KIAA1549L: variants seen among roughly 807,000 people sequenced by gnomAD.
KIAA1549L encodes the protein UPF0606 protein KIAA1549L.
KIAA1549L carries 88 observed loss-of-function variants against 160.7 expected under a neutral mutation model. The observed-to-expected ratio is 0.55, with a 90% CI of 0.46 to 0.65. The LOEUF is 0.65. KIAA1549L is among the 30% of genes least tolerant of loss of function. The pLI, the probability that KIAA1549L is intolerant of heterozygous loss-of-function variation, is 0.00. For missense variants in KIAA1549L, 2,258 were observed against 2,437.5 expected (o/e 0.93, Z 1.55); for synonymous variants, 950 against 976.7 (o/e 0.97, Z 0.51).
At chr11:33,482,127 A>AT (rs572288992) in intron 1 of KIAA1549L, among the ~76,000 whole-genome samples, 14 of 151,812 alleles carry the variant, frequency 9.2e-5, no homozygotes, top group East Asian at 5.8e-4. Context: ...TTTTTCCTGG[A>AT]TTTTTTTTCT....
chr11:33,433,632 A>G (rs1270741906), intron 1 of KIAA1549L, among the ~76,000 whole-genome samples: 3 of 152,232 alleles, frequency 2.0e-5, no homozygotes, highest in African/African-American at 7.2e-5. Flanking sequence ...ATAAAGACAC[A>G]TGCATACATA....
chr11:33,596,509 A>G (rs35917507), intron 12 of KIAA1549L, among the ~76,000 whole-genome samples: 31,778 of 151,978 alleles, frequency 0.21, 3,664 homozygotes, highest in East Asian at 0.36. Flanking sequence ...GGCCGAGGCA[A>G]ATGCATCACT....
chr11:33,500,377 C>G (rs1590291474), intron 1 of KIAA1549L, among the ~76,000 whole-genome samples: 1 of 152,114 alleles, frequency 6.6e-6, no homozygotes, highest in African/African-American at 2.4e-5. Flanking sequence ...CATACGGGCA[C>G]TCAGAAGTAT....
At chr11:33,416,258 T>C (rs1229771200) in intron 1 of KIAA1549L, among the ~76,000 whole-genome samples, 1 of 152,142 alleles carries the variant, frequency 6.6e-6, no homozygotes, top group Admixed American at 6.5e-5. Context: ...GTATTTATTG[T>C]TCCTTGGATT....
rs139525612 is a variant in KIAA1549L at position 33,443,110 on chromosome 11, A to G, written c.238+66221A>G. Among the ~76,000 whole-genome samples the G allele has an allele frequency of 9.9e-5, 15 of 152,268 alleles. 1 individual carries two copies. In the East Asian group the frequency reaches 2.7e-3, roughly 27 times the overall value. ...ATATTAAACTTATTTTATATTCTAT[A>G]TCTGATCATTGTAATATTTCCAGTT... is the stretch of plus-strand genomic sequence containing the variant. On this transcript the variant is annotated intron_variant, in intron 1 of 20. Transcript: ENST00000658780.
intron 1 of KIAA1549L, among the ~76,000 whole-genome samples, chr11:33,489,883 C>G (rs150590410): frequency 6.6e-6 from 1 of 152,154 alleles, no homozygotes; most frequent in East Asian, 1.9e-4. Context: ...AAAGATCAAA[C>G]GTTATTGATT....
chr11:33,462,118 A>G (rs1026325671), intron 1 of KIAA1549L, among the ~76,000 whole-genome samples: 1 of 152,230 alleles, frequency 6.6e-6, no homozygotes, highest in African/African-American at 2.4e-5. Flanking sequence ...TGATCAGCAG[A>G]GTTCTTTGCT....
chr11:33,425,981 A>G (rs1342482240), intron 1 of KIAA1549L, among the ~76,000 whole-genome samples: 2 of 152,234 alleles, frequency 1.3e-5, no homozygotes, highest in Non-Finnish European at 2.9e-5. Flanking sequence ...TGGCAAGGTC[A>G]TGAAAGACAA....
At chr11:33,407,954 C>A (rs777229006) in intron 1 of KIAA1549L, among the ~76,000 whole-genome samples, 17 of 152,188 alleles carry the variant, frequency 1.1e-4, no homozygotes, top group African/African-American at 1.7e-4. Context: ...CTGGGAATGA[C>A]CCGTTCCTGC....
chr11:33,513,202 A>G (rs544358353), intron 1 of KIAA1549L, among the ~76,000 whole-genome samples: 1 of 152,224 alleles, frequency 6.6e-6, no homozygotes, highest in Non-Finnish European at 1.5e-5. Flanking sequence ...AAATGGGGCA[A>G]AATGAAAATA....
chr11:33,549,201 G>A (rs976159379), intron 4 of KIAA1549L, among the ~76,000 whole-genome samples: 8 of 151,782 alleles, frequency 5.3e-5, no homozygotes, highest in African/African-American at 1.9e-4. Context: ...TTTTGAAAGG[G>A]CATTTGATAT....
chr11:33,414,579 A>C (rs925382719), intron 1 of KIAA1549L, among the ~76,000 whole-genome samples: 1 of 152,208 alleles, frequency 6.6e-6, no homozygotes, highest in East Asian at 1.9e-4. Context: ...CACTTTATCA[A>C]ATTATCTTCC....
intron 16 of KIAA1549L, among the ~76,000 whole-genome samples, chr11:33,629,161 A>G (rs910748848): frequency 1.1e-4 from 17 of 152,170 alleles, no homozygotes; most frequent in African/African-American, 3.9e-4. Context: ...ATCCGCTGTT[A>G]GTCTGATGGG....
At position 33,472,397 on chromosome 11, in the gene KIAA1549L, A is replaced by G. The variant is rs1246070207; in HGVS notation, c.239-69405A>G. The stretch of plus-strand genomic sequence containing the variant: ...CGGCCTCCCAAAACACTAGGATAAC[A>G]TGTGTGAGCCACTGAGTCTGGCCCT... On this transcript the variant is annotated intron_variant, in intron 1 of 20. Coordinates refer to ENST00000658780, the MANE Select transcript of KIAA1549L (RefSeq NM_012194.3). Among the ~76,000 whole-genome samples the G allele has an allele frequency of 2.6e-5, 4 of 151,366 alleles. No homozygotes were observed. In the South Asian group the frequency reaches 6.3e-4, roughly 24 times the overall value.
intron 8 of KIAA1549L, among the ~76,000 whole-genome samples, chr11:33,562,117 C>T (rs1285338131): frequency 1.3e-5 from 2 of 152,184 alleles, no homozygotes; most frequent in African/African-American, 4.8e-5. Context: ...GCCGGGCATG[C>T]ACTTGCGTCT....
chr11:33,520,404 C>A (rs1487461094), intron 1 of KIAA1549L, among the ~76,000 whole-genome samples: 1 of 151,550 alleles, frequency 6.6e-6, no homozygotes, highest in East Asian at 1.9e-4. Flanking sequence ...CTGTGTCTGG[C>A]TTATTTCACT....
At chr11:33,550,966 C>T in intron 4 of KIAA1549L, 74 bp from the exon 5 acceptor site, 1 of 1,239,968 alleles carries the variant, frequency 8.1e-7, no homozygotes, top group Non-Finnish European at 1.2e-6. Context: ...AGCCGTGGTT[C>T]TAAGAAATAC....
At chr11:33,400,936 A>C (rs1277388447) in intron 1 of KIAA1549L, among the ~76,000 whole-genome samples, 8 of 152,110 alleles carry the variant, frequency 5.3e-5, no homozygotes, top group Admixed American at 4.6e-4. Context: ...ACATAGCATA[A>C]TGTTGGATCT....
intron 1 of KIAA1549L, among the ~76,000 whole-genome samples, chr11:33,477,951 G>A (rs1852325245): frequency 6.6e-6 from 1 of 152,208 alleles, no homozygotes; most frequent in African/African-American, 2.4e-5. Context: ...AGCACCTGCT[G>A]TACTAAAATA....
Sources: allele counts gnomAD v4.1 joint callset (sites outside exome capture counted in the v4.1 genomes callset), GRCh38; gene constraint gnomAD v4.1.1; transcripts MANE v1.5; gene names NCBI Gene and HGNC (gene_info 2026-07-23, HGNC 2026-07-21).